Variants in RALGPS1 observed in about 807,000 individuals in gnomAD.
RALGPS1 encodes ras-specific guanine nucleotide-releasing factor RalGPS1.
In RALGPS1, 19 loss-of-function variants were observed where a neutral mutation model predicts 78.8. That is an observed-to-expected ratio of 0.24 (90% CI 0.17 to 0.35). RALGPS1 has a LOEUF of 0.35. Among genes scored for constraint, RALGPS1 ranks in the 10% least tolerant of loss-of-function variants. RALGPS1 has a pLI of 1.00. For missense variants in RALGPS1, 454 were observed against 688.3 expected, an observed-to-expected ratio of 0.66 and a Z score of 3.81; for synonymous variants, 228 against 256.3, an observed-to-expected ratio of 0.89 and a Z score of 1.06.
chr9:127,208,731 C>G (rs560558765), intron 14 of RALGPS1, among the ~76,000 whole-genome samples: 1 of 152,310 alleles, frequency 6.6e-6, no homozygotes, highest in South Asian at 2.1e-4. Flanking sequence ...TGAGGGAGGA[C>G]ATGAGGAAAG....
intron 11 of RALGPS1, chr9:127,178,360 C>A: frequency 1.5e-6 from 1 of 681,814 alleles, no homozygotes; most frequent in Non-Finnish European, 2.0e-6. Flanking sequence ...TGTGAACAGA[C>A]TACTCAGCAT....
In RALGPS1 at chr9:126,952,702, C is replaced by CGCATGTGCATGCGT. The variant is rs1451454591; in HGVS notation, c.-65-9514_-65-9501dup. On this transcript the variant is annotated intron_variant, in intron 1 of 18. Coordinates refer to ENST00000259351, the MANE Select transcript of RALGPS1 (RefSeq NM_014636.3). The stretch of plus-strand genomic sequence containing the variant: ...GTGTCTGTGTGTCTGTGTGTCTGTG[C>CGCATGTGCATGCGT]GCATGTGCATGCGTGCATGTGCCTG... 1.8e-4 allele frequency among the ~76,000 whole-genome samples: 19 copies of CGCATGTGCATGCGT among 107,674 alleles called. No homozygotes were observed. The Admixed American group carries it at 1.8e-3, about 10-fold the overall frequency. 70.6% of individuals were successfully genotyped at this position (107,674 alleles called of 152,430 possible).
chr9:127,128,466 G>A (rs1386401886), intron 8 of RALGPS1, among the ~76,000 whole-genome samples: 1 of 152,222 alleles, frequency 6.6e-6, no homozygotes, highest in Non-Finnish European at 1.5e-5. Context: ...ATTCAAGGAA[G>A]TGTGGCAGTT....
chr9:127,026,526 C>A (rs774276328), intron 4 of RALGPS1, among the ~76,000 whole-genome samples: 1 of 152,234 alleles, frequency 6.6e-6, no homozygotes, highest in Non-Finnish European at 1.5e-5. Context: ...AGTCTCTTTT[C>A]TATCACATAT....
chr9:127,207,260 G>A (rs1185052218), intron 14 of RALGPS1, among the ~76,000 whole-genome samples: 1 of 152,088 alleles, frequency 6.6e-6, no homozygotes, highest in Non-Finnish European at 1.5e-5. Flanking sequence ...CCTTGGGACT[G>A]AAGTGTTCTA....
intron 5 of RALGPS1, among the ~76,000 whole-genome samples, chr9:127,039,280 A>G (rs911684368): frequency 6.6e-6 from 1 of 152,224 alleles, no homozygotes; most frequent in South Asian, 2.1e-4. Context: ...TGGAAAGGGC[A>G]GTATCTGGAA....
chr9:127,024,433 C>T (rs1408268963), intron 4 of RALGPS1, among the ~76,000 whole-genome samples: 1 of 150,036 alleles, frequency 6.7e-6, no homozygotes, highest in Non-Finnish European at 1.5e-5. Context: ...CGCTCACTTC[C>T]TATGCTTTCC....
intron 18 of RALGPS1, chr9:127,216,889 T>TCC: frequency 6.5e-7 from 1 of 1,526,950 alleles, no homozygotes. Flanking sequence ...ACACTGAAGC[T>TCC]CCCCTACCAC....
chr9:126,970,537 G>A (rs1003217475), intron 3 of RALGPS1, among the ~76,000 whole-genome samples: 10 of 152,200 alleles, frequency 6.6e-5, no homozygotes, highest in East Asian at 1.9e-4. Context: ...ATGATGCTGC[G>A]TACCTAAGAA....
At chr9:127,053,771 C>T (rs1186991799) in intron 7 of RALGPS1, among the ~76,000 whole-genome samples, 7 of 152,184 alleles carry the variant, frequency 4.6e-5, no homozygotes, top group Non-Finnish European at 1.0e-4. Flanking sequence ...TTTTAAAATA[C>T]TCAGGGATTA....
intron 2 of RALGPS1, among the ~76,000 whole-genome samples, chr9:126,964,398 A>G (rs1435974764): frequency 4.0e-5 from 6 of 149,362 alleles, no homozygotes; most frequent in Non-Finnish European, 8.9e-5. Flanking sequence ...GCCATGCCTG[A>G]GCTCACCCGA....
At chr9:127,207,197 C>G (rs1307173592) in intron 14 of RALGPS1, among the ~76,000 whole-genome samples, 1 of 152,132 alleles carries the variant, frequency 6.6e-6, no homozygotes, top group Non-Finnish European at 1.5e-5. Context: ...ATTGTCCCAT[C>G]ATTATCATCA....
intron 4 of RALGPS1, among the ~76,000 whole-genome samples, chr9:126,987,272 A>G (rs144425940): frequency 5.7e-4 from 86 of 152,176 alleles, no homozygotes; most frequent in African/African-American, 2.0e-3. Flanking sequence ...AACTCACTCA[A>G]TCTTGGGGTT....
chr9:127,132,280 C>A lies in RALGPS1; in HGVS notation c.611-33789C>A, dbSNP rs79982183. ...AACTTCATTCGACTGATTTCATTAA[C>A]ACGTCCCTGATTTCCAATTGCTTTC... On this transcript the variant is annotated intron_variant, in intron 8 of 18. Coordinates refer to ENST00000259351, the MANE Select transcript of RALGPS1 (RefSeq NM_014636.3). Among the ~76,000 whole-genome samples, 829 of 152,274 alleles carry A rather than the reference C, an allele frequency of 5.4e-3. 25 individuals carry two copies. In the East Asian group the frequency reaches 0.086, roughly 16 times the overall value.
intron 1 of RALGPS1, among the ~76,000 whole-genome samples, chr9:126,930,656 A>C (rs907164611): frequency 2.0e-5 from 3 of 151,938 alleles, no homozygotes; most frequent in Non-Finnish European, 4.4e-5. Flanking sequence ...TTTAGTAGAG[A>C]TGGGGTTGGC....
intron 11 of RALGPS1, among the ~76,000 whole-genome samples, chr9:127,189,473 C>T (rs1196058356): frequency 4.6e-5 from 7 of 152,194 alleles, no homozygotes; most frequent in Admixed American, 4.6e-4. Flanking sequence ...CTAACCCCGT[C>T]GCCAGCCAGG....
chr9:126,917,132 A>C (rs2034253194), intron 1 of RALGPS1, among the ~76,000 whole-genome samples: 1 of 152,004 alleles, frequency 6.6e-6, no homozygotes, highest in Admixed American at 6.6e-5. Context: ...TAGTTGGTGC[A>C]GTGGTGACCC....
At chr9:126,960,861 CA>C (rs2038842363) in intron 1 of RALGPS1, among the ~76,000 whole-genome samples, 1 of 152,082 alleles carries the variant, frequency 6.6e-6, no homozygotes, top group Non-Finnish European at 1.5e-5. Flanking sequence ...TACCTCATGC[CA>C]AAAACCATCT....
At chr9:127,165,881 T>G (rs2059267647) in intron 8 of RALGPS1, among the ~76,000 whole-genome samples, 188 bp from the exon 9 acceptor site, 2 of 152,218 alleles carry the variant, frequency 1.3e-5, no homozygotes, top group South Asian at 4.1e-4. Context: ...TGCTCAGATG[T>G]TTGATTTATA....
Sources: allele counts gnomAD v4.1 joint callset (sites outside exome capture counted in the v4.1 genomes callset), GRCh38; gene constraint gnomAD v4.1.1; transcripts MANE v1.5; gene names NCBI Gene and HGNC (gene_info 2026-07-23, HGNC 2026-07-21).